The following JDP2 variants were observed in gnomAD, a reference collection of about 807,000 sequenced individuals.
JDP2 encodes progesterone receptor co-activator.
A neutral mutation model predicts 17.1 loss-of-function variants in JDP2; 9 were observed. The ratio of observed to expected loss-of-function variants is 0.53; its 90% confidence interval spans 0.32 to 0.92. The LOEUF is 0.92. JDP2 is among the 40% of genes least tolerant of loss of function. The probability of loss-of-function intolerance (pLI) is 0.04; values close to 1 mark genes in which losing one functional copy is unlikely to be tolerated. For missense variants in JDP2, 179 were observed against 220.0 expected, an observed-to-expected ratio of 0.81 and a Z score of 1.18; for synonymous variants, 107 against 95.6, an observed-to-expected ratio of 1.12 and a Z score of -0.69.
chr14:75,439,822 G>A (rs1352330062), intron 2 of JDP2, among the ~76,000 whole-genome samples: 3 of 152,150 alleles, frequency 2.0e-5, no homozygotes, highest in Non-Finnish European at 4.4e-5. Flanking sequence ...TGTAACTTGA[G>A]AGCATCTGTT....
Position 75,469,760 on chromosome 14 carries a change from C to T in JDP2, c.*285C>T, listed in dbSNP as rs534817347. On this transcript the variant is annotated 3_prime_UTR_variant, in exon 4 of 4. Coordinates refer to ENST00000651602, the MANE Select transcript of JDP2 (RefSeq NM_001135048.2). ...CCACTTGAAGGAGGCAGGACAGAGG[C>T]ACCGAGGCCAGGGAGACGCCCAACG... is the stretch of plus-strand genomic sequence containing the variant. 8.0e-4 allele frequency: 297 copies of T among 370,010 alleles called. 2 individuals carry two copies. Among genetic ancestry groups the T allele is most frequent in the African/African-American group, 5.0e-3 (241 of 48,104 alleles). The allele number at this position is 370,010 out of a possible 1,614,324, so 22.9% of individuals were successfully genotyped here.
intron 2 of JDP2, among the ~76,000 whole-genome samples, chr14:75,452,411 G>A (rs1885904018): frequency 1.3e-5 from 2 of 152,144 alleles, no homozygotes; most frequent in Admixed American, 1.3e-4. Context: ...TATTAAAGAT[G>A]AGCCCCAGGA....
chr14:75,449,378 G>A (rs1885749835), intron 2 of JDP2, among the ~76,000 whole-genome samples: 1 of 152,216 alleles, frequency 6.6e-6, no homozygotes, highest in South Asian at 2.1e-4. Context: ...TGTAGATAGA[G>A]TCATTTTGCA....
chr14:75,438,207 C>CCTCAGACCACACTT, intron 2 of JDP2, 86 bp downstream of exon 2: 4 of 1,084,896 alleles, frequency 3.7e-6, no homozygotes, highest in Non-Finnish European at 2.7e-6. Flanking sequence ...AAAGTGTGGT[C>CCTCAGACCACACTT]TGAGGACCAG....
Position 75,445,456 on chromosome 14 carries a change from C to T in JDP2, c.201+7335C>T, listed in dbSNP as rs540001041. On this transcript the variant is annotated intron_variant, in intron 2 of 3. Coordinates refer to ENST00000651602, the MANE Select transcript of JDP2 (RefSeq NM_001135048.2). ...TGACAAACTCCTCCGTGGTTTGCCT[C>T]TGTAGTCCTCCCTACACCCTACCAA... is the stretch of plus-strand genomic sequence containing the variant. The T allele has an allele frequency of 4.0e-4, 393 of 985,418 alleles. 4 individuals are homozygous for T. In the South Asian group the frequency reaches 0.016, roughly 40 times the overall value. 61.0% of individuals were successfully genotyped at this position (985,418 alleles called of 1,614,324 possible). A position where few individuals can be genotyped will look rare whatever the true frequency, so the allele number is the denominator to read the frequency against.
intron 1 of JDP2, among the ~76,000 whole-genome samples, chr14:75,433,970 G>A (rs1884941403): frequency 6.6e-6 from 1 of 152,062 alleles, no homozygotes; most frequent in Admixed American, 6.5e-5. Flanking sequence ...AAAAACTCTG[G>A]GTTCTTCTGA....
At chr14:75,464,456 T>C (rs1375356910) in intron 3 of JDP2, among the ~76,000 whole-genome samples, 1 of 152,212 alleles carries the variant, frequency 6.6e-6, no homozygotes, top group Non-Finnish European at 1.5e-5. Flanking sequence ...ATAGCAGCTA[T>C]TTACATAGCA....
At chr14:75,466,918 C>A (rs1324106028) in intron 3 of JDP2, among the ~76,000 whole-genome samples, 1 of 152,068 alleles carries the variant, frequency 6.6e-6, no homozygotes, top group Non-Finnish European at 1.5e-5. Context: ...TCTTCCTTCT[C>A]TTCCTCTCTT....
At chr14:75,443,508 C>T (rs146615400) in intron 2 of JDP2, among the ~76,000 whole-genome samples, 51 of 152,144 alleles carry the variant, frequency 3.4e-4, no homozygotes, top group African/African-American at 1.2e-3. Context: ...CTTTGAAATC[C>T]GTAATTTCCA....
At chr14:75,457,295 A>G (rs1402313843) in intron 2 of JDP2, among the ~76,000 whole-genome samples, 2 of 152,246 alleles carry the variant, frequency 1.3e-5, no homozygotes, top group Non-Finnish European at 2.9e-5. Flanking sequence ...AAGCACCAGG[A>G]AGGAGGAGGC....
At position 75,437,961 on chromosome 14, in the gene JDP2, G is replaced by C. The variant is rs1436688338; in HGVS notation, c.41G>C (p.Gly14Ala). 1.1e-5 allele frequency: 17 copies of C among 1,613,184 alleles called. No homozygotes were observed. The highest frequency in any genetic ancestry group is 1.4e-5 in the Non-Finnish European group (16 of 1,179,728). Residue 14 changes from glycine to alanine, a missense_variant, in exon 2 of 4, where the codon GGC becomes GCC. Physicochemically the swap from Gly to Ala is moderately conservative, Grantham distance 60. Transcript: ENST00000651602. ...ATCCCGGACCCTTCGGTGACCACAG[G>C]CTCCCTGCCAGGGCTTGGCCCCCTG... ...GQIPDPSVTT[G>A]SLPGLGPLTG...
rs879572704 is a variant in JDP2 at position 75,430,304 on chromosome 14, G to T, written c.-24+2052G>T. On this transcript the variant is annotated intron_variant, in intron 1 of 3. Transcript: ENST00000651602. This position sits in a 1 kb window ranked among gnomAD's most constrained non-coding sequence, Gnocchi z 4.5. Reference sequence around the variant, plus strand: ...AGAAAGGGGCCAACGCCGACTCTAGGCCGGCCTGCTCTGTATTCATTCAGC... The same window carrying T: ...AGAAAGGGGCCAACGCCGACTCTAGTCCGGCCTGCTCTGTATTCATTCAGC... Among the ~76,000 whole-genome samples the T allele has an allele frequency of 6.6e-6, 1 of 152,200 alleles. No individual in the cohort carries two copies. The highest frequency in any genetic ancestry group is 1.5e-5 in the Non-Finnish European group (1 of 68,032).
intron 2 of JDP2, among the ~76,000 whole-genome samples, chr14:75,446,827 A>G (rs952471602): frequency 1.3e-5 from 2 of 152,230 alleles, no homozygotes; most frequent in Non-Finnish European, 2.9e-5. Context: ...TGATCTCAAT[A>G]AAGTGCTTTT....
At position 75,430,148 on chromosome 14, in the gene JDP2, G is replaced by A. The variant is rs1884730084; in HGVS notation, c.-24+1896G>A. Among the ~76,000 whole-genome samples the A allele has an allele frequency of 6.6e-6, 1 of 152,222 alleles. No individual in the cohort carries two copies. Among genetic ancestry groups the A allele is most frequent in the Non-Finnish European group, 1.5e-5 (1 of 68,042 alleles). On this transcript the variant is annotated intron_variant, in intron 1 of 3. Transcript: ENST00000651602. The surrounding 1 kb of genome is among the most constrained non-coding windows in gnomAD (Gnocchi z 4.5). ...TCATCTCCCTACCTGTTTGTAGGAT[G>A]TGTGGGCATTTTTTTCCAACCTGCA...
intron 2 of JDP2, among the ~76,000 whole-genome samples, chr14:75,453,167 G>A (rs1885944282): frequency 1.3e-5 from 2 of 152,198 alleles, no homozygotes; most frequent in African/African-American, 4.8e-5. Context: ...TTGTTGATGG[G>A]GGGTGGGGGA....
rs951762751 is a variant in JDP2, at chr14:75,430,784, G to A, written c.-24+2532G>A. Among the ~76,000 whole-genome samples the A allele has an allele frequency of 3.3e-5, 5 of 152,130 alleles. No individual in the cohort carries two copies. Among genetic ancestry groups the A allele is most frequent in the African/African-American group, 9.7e-5 (4 of 41,426 alleles). On this transcript the variant is annotated intron_variant, in intron 1 of 3. Transcript: ENST00000651602. The surrounding 1 kb of genome is among the most constrained non-coding windows in gnomAD (Gnocchi z 4.5). Reference sequence around the variant, plus strand: ...CATGTGCCTGTGTATGTGTGTGTGCGTGTGCATGTGTGTGCACATGCGTTC... The same window carrying A: ...CATGTGCCTGTGTATGTGTGTGTGCATGTGCATGTGTGTGCACATGCGTTC...
At chr14:75,433,724 G>T (rs928745115) in intron 1 of JDP2, among the ~76,000 whole-genome samples, 15 of 151,866 alleles carry the variant, frequency 9.9e-5, no homozygotes, top group Non-Finnish European at 2.1e-4. Flanking sequence ...CGCCATCTTG[G>T]ATGTGTGCTT....
At chr14:75,448,170 G>A (rs1885693406) in intron 2 of JDP2, among the ~76,000 whole-genome samples, 1 of 152,106 alleles carries the variant, frequency 6.6e-6, no homozygotes, top group South Asian at 2.1e-4. Flanking sequence ...GCAATTGTAA[G>A]CCCTTAAGTA....
intron 2 of JDP2, among the ~76,000 whole-genome samples, chr14:75,441,967 G>GCA (rs775303429): frequency 6.6e-6 from 1 of 151,836 alleles, no homozygotes; most frequent in Non-Finnish European, 1.5e-5. Context: ...CCCCACCCTT[G>GCA]CACACACACA....
Sources: allele counts gnomAD v4.1 joint callset (sites outside exome capture counted in the v4.1 genomes callset), GRCh38; gene constraint gnomAD v4.1.1; non-coding constraint Gnocchi (gnomAD v3.1); transcripts MANE v1.5; gene names NCBI Gene and HGNC (gene_info 2026-07-23, HGNC 2026-07-21).